The following ANKRD12 variants were observed in gnomAD, a reference collection of about 807,000 sequenced individuals.
The protein encoded by ANKRD12 is ankyrin repeat domain 12.
In ANKRD12, 85 loss-of-function variants were observed where a neutral mutation model predicts 183.4. The observed-to-expected ratio is 0.46, with a 90% CI of 0.39 to 0.56. The LOEUF is 0.56. Among genes scored for constraint, ANKRD12 ranks in the 20% least tolerant of loss-of-function variants. ANKRD12 has a pLI of 0.00. For synonymous variants in ANKRD12, 914 were observed against 800.2 expected, an observed-to-expected ratio of 1.14 and a Z score of -2.40; for missense variants, 2,405 against 2,357.1, an observed-to-expected ratio of 1.02 and a Z score of -0.42.
intron 1 of ANKRD12, among the ~76,000 whole-genome samples, chr18:9,140,200 T>G (rs1283356503): frequency 6.6e-6 from 1 of 152,240 alleles, no homozygotes; most frequent in East Asian, 1.9e-4. Context: ...ATGAGAATGC[T>G]TTAGAAAGCA....
intron 10 of ANKRD12, among the ~76,000 whole-genome samples, chr18:9,266,113 A>T: frequency 6.6e-6 from 1 of 152,258 alleles, no homozygotes; most frequent in Non-Finnish European, 1.5e-5. Context: ...ATATGGGGCT[A>T]TGTGAAAAGA....
chr18:9,235,805 T>C, intron 8 of ANKRD12: 1 of 397,818 alleles, frequency 2.5e-6, no homozygotes, highest in South Asian at 1.8e-5. Flanking sequence ...TAGAAAAAAA[T>C]AAAAATGATT....
chr18:9,271,961 C>G (rs1361666579), intron 10 of ANKRD12, among the ~76,000 whole-genome samples: 1 of 152,122 alleles, frequency 6.6e-6, no homozygotes, highest in African/African-American at 2.4e-5. Context: ...GTCATTTTCC[C>G]CACAGAAAAT....
chr18:9,145,595 G>A (rs979065855), intron 1 of ANKRD12, among the ~76,000 whole-genome samples: 1 of 152,160 alleles, frequency 6.6e-6, no homozygotes, highest in South Asian at 2.1e-4. Context: ...CGTTGTAAAT[G>A]GTTAGCATAT....
At chr18:9,207,809 A>G (rs1598560360) in intron 4 of ANKRD12, among the ~76,000 whole-genome samples, 1 of 152,180 alleles carries the variant, frequency 6.6e-6, no homozygotes, top group Non-Finnish European at 1.5e-5. Flanking sequence ...GGTAATAGCC[A>G]GACCTCTGCA....
chr18:9,147,396 T>A (rs1326831371), intron 1 of ANKRD12, among the ~76,000 whole-genome samples: 1 of 152,096 alleles, frequency 6.6e-6, no homozygotes, highest in Non-Finnish European at 1.5e-5. Context: ...TTGCAAAGAT[T>A]GGCTGCAATA....
intron 1 of ANKRD12, among the ~76,000 whole-genome samples, chr18:9,161,752 GTA>G (rs10647806): frequency 3.3e-5 from 5 of 151,010 alleles, no homozygotes; most frequent in Non-Finnish European, 7.4e-5. Flanking sequence ...GTGTGTGTGT[GTA>G]TATATATATA....
At chr18:9,156,316 T>C (rs2030451248) in intron 1 of ANKRD12, among the ~76,000 whole-genome samples, 1 of 152,102 alleles carries the variant, frequency 6.6e-6, no homozygotes, top group East Asian at 1.9e-4. Flanking sequence ...TTGGTGAGAA[T>C]TAAGATAATT....
At chr18:9,208,049 A>G (rs1176304918) in intron 4 of ANKRD12, among the ~76,000 whole-genome samples, 1 of 152,168 alleles carries the variant, frequency 6.6e-6, no homozygotes, top group African/African-American at 2.4e-5. Flanking sequence ...TCTTTGCAAG[A>G]TCTGTTAACC....
rs999449772 is a variant in ANKRD12 at position 9,168,620 on chromosome 18, A to G, written c.-51-13762A>G. Among the ~76,000 whole-genome samples the G allele has an allele frequency of 4.5e-4, 68 of 151,490 alleles. 2 individuals are homozygous for G. Among genetic ancestry groups the G allele is most frequent in the East Asian group, 1.9e-4 (1 of 5,182 alleles). Reference sequence around the variant, plus strand: ...TTGATTCTTTTCTCTTTTCTTCTTTATTAGTCTTGCTAGTGGTCTATCAAT... The same window carrying G: ...TTGATTCTTTTCTCTTTTCTTCTTTGTTAGTCTTGCTAGTGGTCTATCAAT... On this transcript the variant is annotated intron_variant, in intron 1 of 12. Coordinates refer to ENST00000262126, the MANE Select transcript of ANKRD12 (RefSeq NM_015208.5).
At chr18:9,139,447 T>A (rs972162221) in intron 1 of ANKRD12, among the ~76,000 whole-genome samples, 1 of 152,126 alleles carries the variant, frequency 6.6e-6, no homozygotes, top group Non-Finnish European at 1.5e-5. Context: ...TAAAAAAAAA[T>A]AAGTGATTTT....
At chr18:9,155,929 ATTCC>A (rs1358219191) in intron 1 of ANKRD12, among the ~76,000 whole-genome samples, 1 of 152,038 alleles carries the variant, frequency 6.6e-6, no homozygotes, top group Non-Finnish European at 1.5e-5. Flanking sequence ...GAGGCCAGGA[ATTCC>A]AAAGCAGCCT....
At chr18:9,275,778 C>A in intron 11 of ANKRD12, 111 bp downstream of exon 11, 2 of 1,116,626 alleles carry the variant, frequency 1.8e-6, no homozygotes, top group South Asian at 2.3e-5. Context: ...CATTAAAGGT[C>A]AAAGAAGAAA....
intron 3 of ANKRD12, among the ~76,000 whole-genome samples, chr18:9,201,620 G>A (rs1198990678): frequency 2.6e-5 from 4 of 152,112 alleles, no homozygotes; most frequent in African/African-American, 9.7e-5. Context: ...GTATATGAAT[G>A]TTCTTTAAGT....
chr18:9,230,990 A>G (rs1002681770), intron 8 of ANKRD12, among the ~76,000 whole-genome samples: 1 of 151,226 alleles, frequency 6.6e-6, no homozygotes, highest in African/African-American at 2.4e-5. Context: ...TGTTTCAAGA[A>G]TTTTTTTTAT....
Position 9,136,830 on chromosome 18 carries a change from C to G in ANKRD12, c.-187C>G, listed in dbSNP as rs1598359674. ...GAGGAGGCTGTGGTGAGAGACGGACCGAGACCGGAGATGTTTTCAAGCCCG... is the reference window on the plus strand; with the variant it reads ...GAGGAGGCTGTGGTGAGAGACGGACGGAGACCGGAGATGTTTTCAAGCCCG... On this transcript the variant is annotated 5_prime_UTR_variant, in exon 1 of 13. Transcript: ENST00000262126. 1 of 152,240 alleles carries G rather than the reference C, an allele frequency of 6.6e-6. No individual in the cohort carries two copies. Among genetic ancestry groups the G allele is most frequent in the Non-Finnish European group, 1.5e-5 (1 of 68,092 alleles). The allele number at this position is 152,240 out of a possible 1,614,324, so 9.4% of individuals were successfully genotyped here.
intron 10 of ANKRD12, among the ~76,000 whole-genome samples, chr18:9,271,322 G>C (rs1194233560): frequency 6.6e-6 from 1 of 152,128 alleles, no homozygotes; most frequent in Non-Finnish European, 1.5e-5. Context: ...TGAGGAGATC[G>C]AGACCATCCT....
chr18:9,255,237 A>T lies in ANKRD12; in HGVS notation c.1970A>T (p.His657Leu), dbSNP rs2038533940. The T allele has an allele frequency of 6.4e-7, 1 of 1,572,662 alleles. No homozygotes were observed. The highest frequency in any genetic ancestry group is 8.6e-7 in the Non-Finnish European group (1 of 1,168,368). ...GKTLKKHKLKHKEREKEKHKK... is the reference protein window; with the variant it reads ...GKTLKKHKLKLKEREKEKHKK... ...ACATTAAAAAAACATAAATTGAAGC[A>T]TAAAGAGAGGGAAAAAGAAAAGCAT... The change falls in exon 9 of 13, where the codon CAT becomes CTT. Residue 657 changes from histidine (H) to leucine (L), a missense_variant. Physicochemically the swap from His to Leu is moderately conservative, Grantham distance 99. This residue lies in a region of ANKRD12 where 1,983 missense variants were observed against 1,725.9 expected (regional missense o/e 1.15). Coordinates refer to ENST00000262126, the MANE Select transcript of ANKRD12 (RefSeq NM_015208.5).
At chr18:9,216,658 C>A in intron 6 of ANKRD12, 100 bp from the exon 7 acceptor site, 3 of 1,188,410 alleles carry the variant, frequency 2.5e-6, no homozygotes, top group Non-Finnish European at 3.5e-6. Context: ...GCACGATGTG[C>A]AGTTTTAGAA....
Sources: allele counts gnomAD v4.1 joint callset (sites outside exome capture counted in the v4.1 genomes callset), GRCh38; gene constraint gnomAD v4.1.1; regional missense constraint gnomAD v4.1.1; transcripts MANE v1.5; gene names NCBI Gene and HGNC (gene_info 2026-07-23, HGNC 2026-07-21).